Variants in MAN1A1 observed in about 807,000 individuals in gnomAD.
MAN1A1 encodes the protein mannosyl-oligosaccharide 1,2-alpha-mannosidase IA.
In MAN1A1, 29 loss-of-function variants were observed where a neutral mutation model predicts 70.8. The observed-to-expected ratio is 0.41, with a 90% CI of 0.31 to 0.56. MAN1A1 has a LOEUF of 0.56. Among genes scored for constraint, MAN1A1 ranks in the 20% least tolerant of loss-of-function variants. The pLI, the probability that MAN1A1 is intolerant of heterozygous loss-of-function variation, is 0.29. For synonymous variants in MAN1A1, 349 were observed against 330.1 expected (o/e 1.06, Z -0.62); for missense variants, 747 against 841.3 (o/e 0.89, Z 1.39).
At chr6:119,308,313 C>G (rs1178529633) in intron 2 of MAN1A1, among the ~76,000 whole-genome samples, 2 of 152,084 alleles carry the variant, frequency 1.3e-5, no homozygotes, top group Non-Finnish European at 2.9e-5. Context: ...AAAAAATCTT[C>G]CTTTACTGAA....
At chr6:119,194,538 G>A (rs1405319703) in intron 8 of MAN1A1, among the ~76,000 whole-genome samples, 1 of 152,092 alleles carries the variant, frequency 6.6e-6, no homozygotes, top group Admixed American at 6.6e-5. Flanking sequence ...TGCCTCAGCT[G>A]ATATACAACT....
intron 6 of MAN1A1, among the ~76,000 whole-genome samples, chr6:119,234,728 T>C (rs1324747538): frequency 1.3e-5 from 2 of 152,174 alleles, no homozygotes; most frequent in Admixed American, 1.3e-4. Flanking sequence ...TAATTCTACA[T>C]ATTAAAAATT....
At chr6:119,234,854 G>A (rs1040819934) in intron 6 of MAN1A1, among the ~76,000 whole-genome samples, 1 of 152,174 alleles carries the variant, frequency 6.6e-6, no homozygotes, top group Non-Finnish European at 1.5e-5. Context: ...CCTGTGTCAA[G>A]TCTATTGGTG....
At chr6:119,212,437 T>G (rs17442238) in intron 6 of MAN1A1, among the ~76,000 whole-genome samples, 4,260 of 152,304 alleles carry the variant, frequency 0.028, 95 homozygotes, top group Non-Finnish European at 0.045. Flanking sequence ...GGATGCATCT[T>G]GCCAAACTCA....
At position 119,201,334 on chromosome 6, in the gene MAN1A1, C is replaced by T. The variant is rs748206904; in HGVS notation, c.1130G>A (p.Arg377Gln). The change falls in exon 8 of 13, where the codon CGA becomes CAA. Residue 377 changes from arginine to glutamine, a missense_variant. Physicochemically the swap from Arg to Gln is conservative, Grantham distance 43 (BLOSUM62 1). Around this residue, in one of 2 missense-constraint regions of MAN1A1, gnomAD observed 419 missense variants for 548.2 expected, o/e 0.76. Transcript: ENST00000368468. ...TTTTTCCAGTTTGTTCAGTACTGTT[C>T]GAATATTCATTACCTATAATAGAAA... ...PIFAEKVMNI[R>Q]TVLNKLEKPQ... 4.4e-6 allele frequency: 7 copies of T among 1,608,158 alleles called. No homozygotes were observed. Among genetic ancestry groups the T allele is most frequent in the South Asian group, 3.3e-5 (3 of 90,936 alleles).
chr6:119,331,931 C>CA (rs780721856), intron 2 of MAN1A1: 1 of 508,348 alleles, frequency 2.0e-6, no homozygotes, highest in Non-Finnish European at 3.9e-6. Context: ...AGGGACCAGA[C>CA]AGACCTGGAT....
At chr6:119,274,615 TCAA>T (rs1485473617) in intron 5 of MAN1A1, among the ~76,000 whole-genome samples, 2 of 152,202 alleles carry the variant, frequency 1.3e-5, no homozygotes, top group South Asian at 2.1e-4. Context: ...CTCAACTACC[TCAA>T]CTACTACCAT....
Position 119,204,890 on chromosome 6 carries a change from A to G in MAN1A1, c.993-8T>C. On this transcript the variant is annotated splice_polypyrimidine_tract_variant and splice_region_variant and intron_variant, in intron 6 of 12. Transcript: ENST00000368468. ...CAGTTCCTTCCAATACCACTAAAGA[A>G]GAGATGACGTCGAAGAGTTATGGGT... 2 of 1,613,364 alleles carry G rather than the reference A, an allele frequency of 1.2e-6. No homozygotes were observed. The highest frequency in any genetic ancestry group is 1.7e-6 in the Non-Finnish European group (2 of 1,179,714).
chr6:119,198,376 C>G (rs1020212922), intron 8 of MAN1A1, among the ~76,000 whole-genome samples: 3 of 151,382 alleles, frequency 2.0e-5, no homozygotes, highest in African/African-American at 7.3e-5. Flanking sequence ...GGTGACAGAG[C>G]GAGACTCCCA....
At chr6:119,262,303 T>C (rs192063196) in intron 5 of MAN1A1, among the ~76,000 whole-genome samples, 1 of 152,150 alleles carries the variant, frequency 6.6e-6, no homozygotes, top group African/African-American at 2.4e-5. Flanking sequence ...TGAGGGCAAA[T>C]GGCTGATAAC....
chr6:119,296,767 A>C (rs143133839), intron 4 of MAN1A1, among the ~76,000 whole-genome samples: 302 of 152,294 alleles, frequency 2.0e-3, no homozygotes, highest in Admixed American at 3.0e-3. Context: ...CCAAAACACA[A>C]AGTGTTCATT....
chr6:119,231,971 GAATAA>G (rs761066709), intron 6 of MAN1A1, among the ~76,000 whole-genome samples: 2 of 152,142 alleles, frequency 1.3e-5, no homozygotes, highest in Non-Finnish European at 2.9e-5. Context: ...TAAATAGTGA[GAATAA>G]GCTTAATGAA....
At chr6:119,223,905 G>A (rs1249777946) in intron 6 of MAN1A1, among the ~76,000 whole-genome samples, 7 of 152,064 alleles carry the variant, frequency 4.6e-5, no homozygotes, top group Non-Finnish European at 1.0e-4. Context: ...TGACCAAAAA[G>A]CAGGCACAAA....
intron 2 of MAN1A1, among the ~76,000 whole-genome samples, chr6:119,334,008 C>A (rs945731673): frequency 3.9e-5 from 6 of 152,190 alleles, no homozygotes; most frequent in Admixed American, 3.9e-4. Context: ...ATCACCATCC[C>A]CAACTCTCCC....
chr6:119,215,051 G>T (rs953824511), intron 6 of MAN1A1, among the ~76,000 whole-genome samples: 1 of 151,828 alleles, frequency 6.6e-6, no homozygotes, highest in Non-Finnish European at 1.5e-5. Flanking sequence ...GCCTGTTGTG[G>T]GGTGGGGGGA....
intron 5 of MAN1A1, among the ~76,000 whole-genome samples, chr6:119,270,444 G>C (rs1464016307): frequency 6.6e-6 from 1 of 152,050 alleles, no homozygotes; most frequent in East Asian, 1.9e-4. Flanking sequence ...TACTCACACT[G>C]AGTTGATTCA....
chr6:119,206,810 A>G (rs189741894), intron 6 of MAN1A1, among the ~76,000 whole-genome samples: 24 of 152,364 alleles, frequency 1.6e-4, no homozygotes, highest in African/African-American at 5.8e-4. Context: ...AAGCCTATTT[A>G]GCAAAACTAC....
intron 4 of MAN1A1, among the ~76,000 whole-genome samples, chr6:119,301,482 C>A (rs1423970895): frequency 6.6e-6 from 1 of 152,056 alleles, no homozygotes; most frequent in Non-Finnish European, 1.5e-5. Context: ...TTTATTTTTA[C>A]TGAGAGATGA....
At position 119,349,654 on chromosome 6, in the gene MAN1A1, A is replaced by C; in HGVS notation, c.-335T>G. 3.0e-6 allele frequency: 3 copies of C among 985,752 alleles called. No individual in the cohort carries two copies. The highest frequency in any genetic ancestry group is 1.7e-5 in the African/African-American group (1 of 57,300). The allele number at this position is 985,752 out of a possible 1,614,324, so 61.1% of individuals were successfully genotyped here. A position where few individuals can be genotyped will look rare whatever the true frequency, so the allele number is the denominator to read the frequency against. On this transcript the variant is annotated 5_prime_UTR_variant, in exon 1 of 13. Transcript: ENST00000368468. ...TAGGCTGGGCTGAGCGCGCTGTCCC[A>C]CGGTCCCGCAGCCCCGGCGCGGCTC...
Sources: gnomAD v4.1 joint callset for allele counts (sites outside exome capture counted in the v4.1 genomes callset) on GRCh38, gnomAD v4.1.1 for gene constraint, gnomAD v4.1.1 regional missense constraint, MANE v1.5 for transcripts, NCBI Gene and HGNC (gene_info 2026-07-23, HGNC 2026-07-21) for gene names.